The following KIF26B variants were observed in gnomAD, a reference collection of about 807,000 sequenced individuals.
KIF26B encodes the protein kinesin-like protein KIF26B.
KIF26B carries 63 observed loss-of-function variants against 151.2 expected under a neutral mutation model. The ratio of observed to expected loss-of-function variants is 0.42; its 90% confidence interval spans 0.34 to 0.51. The LOEUF is 0.51. KIF26B is among the 20% of genes least tolerant of loss of function. The pLI is 0.07. For synonymous variants in KIF26B, 1,357 were observed against 1,262.1 expected (o/e 1.08, Z -1.59); for missense variants, 2,813 against 2,913.6 (o/e 0.97, Z 0.79).
At chr1:245,561,877 A>G (rs900065140) in intron 5 of KIF26B, among the ~76,000 whole-genome samples, 8 of 152,106 alleles carry the variant, frequency 5.3e-5, no homozygotes, top group Non-Finnish European at 1.5e-5. Context: ...GATTCTCACT[A>G]CTGACGTAAA....
chr1:245,387,490 A>ATAAC (rs1478632860), intron 3 of KIF26B, among the ~76,000 whole-genome samples: 1 of 152,064 alleles, frequency 6.6e-6, no homozygotes, highest in African/African-American at 2.4e-5. Context: ...TTCCTCCTTT[A>ATAAC]TAACTATTCA....
In KIF26B at chr1:245,540,464, T is replaced by C. The variant is rs1572114149; in HGVS notation, c.1167-303T>C. 4.0e-5 allele frequency: 24 copies of C among 593,136 alleles called. No individual in the cohort carries two copies. The East Asian group carries it at 6.7e-4, about 17-fold the overall frequency. 36.7% of individuals were successfully genotyped at this position (593,136 alleles called of 1,614,324 possible). On this transcript the variant is annotated intron_variant, in intron 4 of 14. Transcript: ENST00000407071. This position sits in a 1 kb window ranked among gnomAD's most constrained non-coding sequence, Gnocchi z 4.6. ...TAATGGGTGCCCTTATCCCCAAAGA[T>C]GCCCAGCTTTGTTCCTGCTTAAGCT...
chr1:245,243,950 T>C, intron 2 of KIF26B, among the ~76,000 whole-genome samples: 1 of 152,190 alleles, frequency 6.6e-6, no homozygotes, highest in East Asian at 1.9e-4. Flanking sequence ...TTCCCTTTTT[T>C]GACTTTTGAG....
chr1:245,274,080 A>G (rs1242196678), intron 2 of KIF26B, among the ~76,000 whole-genome samples: 2 of 152,156 alleles, frequency 1.3e-5, no homozygotes, highest in African/African-American at 2.4e-5. Context: ...TTTTATAGTT[A>G]TATTAATCTG....
chr1:245,266,318 G>A (rs1670744019), intron 2 of KIF26B, among the ~76,000 whole-genome samples: 1 of 152,174 alleles, frequency 6.6e-6, no homozygotes. Context: ...ATATTGGTCA[G>A]TGGAAATTCT....
At position 245,267,581 on chromosome 1, in the gene KIF26B, G is replaced by GT. The variant is rs1383025737; in HGVS notation, c.466-99252dup. ...ATATGTGATAGCTCTGCTCAGCCAC[G>GT]TATTAAGCCACAAGCAGCCAAGAAC... On this transcript the variant is annotated intron_variant, in intron 2 of 14. Transcript: ENST00000407071. 2.0e-5 allele frequency among the ~76,000 whole-genome samples: 3 copies of GT among 148,178 alleles called. No individual in the cohort carries two copies. The Admixed American group carries it at 2.0e-4, about 10-fold the overall frequency.
chr1:245,233,903 T>C (rs912745974), intron 2 of KIF26B, among the ~76,000 whole-genome samples: 1 of 152,074 alleles, frequency 6.6e-6, no homozygotes, highest in African/African-American at 2.4e-5. Context: ...TGTTTCGGGC[T>C]GGGCGCGGTG....
intron 9 of KIF26B, among the ~76,000 whole-genome samples, chr1:245,613,820 A>G (rs1325179035): frequency 1.3e-5 from 2 of 152,186 alleles, no homozygotes; most frequent in Admixed American, 6.5e-5. Context: ...GGTTTATTGC[A>G]GTATAAGGTA....
In KIF26B at chr1:245,392,797, T is replaced by C. The variant is rs1326864526; in HGVS notation, c.999+25430T>C. 2.6e-5 allele frequency among the ~76,000 whole-genome samples: 4 copies of C among 152,206 alleles called. No homozygotes were observed. In the East Asian group the frequency reaches 7.7e-4, roughly 29 times the overall value. On this transcript the variant is annotated intron_variant, in intron 3 of 14. Coordinates refer to ENST00000407071, the MANE Select transcript of KIF26B (RefSeq NM_018012.4). ...TGTTCTATGAAATATTCTTTAATTA[T>C]TTTTTAACACTGTTTTTCCTTTCAT...
At chr1:245,569,314 T>C (rs2043041169) in intron 5 of KIF26B, among the ~76,000 whole-genome samples, 1 of 152,118 alleles carries the variant, frequency 6.6e-6, no homozygotes, top group Non-Finnish European at 1.5e-5. Flanking sequence ...CTAGGGGCTT[T>C]TTGATTAGTC....
Position 245,705,175 on chromosome 1 carries a change from C to T in KIF26B, c.*2569C>T, listed in dbSNP as rs1309166185. The T allele has an allele frequency of 6.6e-6, 1 of 152,200 alleles. No individual in the cohort carries two copies. 9.4% of individuals were successfully genotyped at this position (152,200 alleles called of 1,614,324 possible). A position where few individuals can be genotyped will look rare whatever the true frequency, so the allele number is the denominator to read the frequency against. ...AAGAGTTCTCTTAGCAAGTCAGACTCCTTCCCAAGATGGCAATCACAGAAC... is the reference window on the plus strand; with the variant it reads ...AAGAGTTCTCTTAGCAAGTCAGACTTCTTCCCAAGATGGCAATCACAGAAC... On this transcript the variant is annotated 3_prime_UTR_variant, in exon 15 of 15. Transcript: ENST00000407071.
intron 3 of KIF26B, among the ~76,000 whole-genome samples, chr1:245,378,154 C>T (rs1480878804): frequency 4.6e-5 from 7 of 152,090 alleles, no homozygotes; most frequent in Non-Finnish European, 1.0e-4. Context: ...CCTTCTCTAC[C>T]GATCAAGCTG....
intron 2 of KIF26B, among the ~76,000 whole-genome samples, chr1:245,223,591 AG>A (rs770475238): frequency 2.6e-4 from 40 of 152,266 alleles, no homozygotes; most frequent in Non-Finnish European, 4.4e-4. Context: ...TGGTTCTCAT[AG>A]TTTTGTGTGT....
chr1:245,593,387 G>A (rs1218829674), intron 5 of KIF26B, among the ~76,000 whole-genome samples: 15 of 151,584 alleles, frequency 9.9e-5, no homozygotes, highest in Non-Finnish European at 2.1e-4. Context: ...TATTCTCATT[G>A]TTCAACTCCC....
At chr1:245,438,729 G>A (rs768392984) in intron 4 of KIF26B, among the ~76,000 whole-genome samples, 5 of 152,190 alleles carry the variant, frequency 3.3e-5, no homozygotes, top group Non-Finnish European at 5.9e-5. Context: ...TCAAACGATT[G>A]CTACACGCAA....
chr1:245,310,200 T>C (rs1346429606), intron 2 of KIF26B, among the ~76,000 whole-genome samples: 2 of 150,306 alleles, frequency 1.3e-5, no homozygotes, highest in South Asian at 2.1e-4. Flanking sequence ...TCCTATTAGT[T>C]CTGTTTCTCC....
At chr1:245,316,817 A>G (rs1269730586) in intron 2 of KIF26B, among the ~76,000 whole-genome samples, 1 of 149,416 alleles carries the variant, frequency 6.7e-6, no homozygotes, top group African/African-American at 2.5e-5. Context: ...GGGGCTTTTG[A>G]CAAACCAGAA....
At chr1:245,235,053 C>T (rs746610056) in intron 2 of KIF26B, among the ~76,000 whole-genome samples, 5 of 152,166 alleles carry the variant, frequency 3.3e-5, no homozygotes, top group South Asian at 4.1e-4. Context: ...ACTGTCCCTT[C>T]GGCCTCCTCC....
chr1:245,297,875 T>TTTTGTTTGTTTG lies in KIF26B; in HGVS notation c.466-68943_466-68932dup, dbSNP rs61370908. Among the ~76,000 whole-genome samples the TTTTGTTTGTTTG allele has an allele frequency of 1.1e-3, 162 of 149,962 alleles. 1 individual carries two copies. Among genetic ancestry groups the TTTTGTTTGTTTG allele is most frequent in the African/African-American group, 4.0e-3 (161 of 40,670 alleles). ...AGACTGATGCCTGATGGGCATCAGT[T>TTTTGTTTGTTTG]TTTGTTTGTTTGTTTGTTTGTTTGT... is the stretch of plus-strand genomic sequence containing the variant. On this transcript the variant is annotated intron_variant, in intron 2 of 14. Transcript: ENST00000407071.
Sources: allele counts gnomAD v4.1 joint callset (sites outside exome capture counted in the v4.1 genomes callset), GRCh38; gene constraint gnomAD v4.1.1; non-coding constraint Gnocchi (gnomAD v3.1); transcripts MANE v1.5; gene names NCBI Gene and HGNC (gene_info 2026-07-23, HGNC 2026-07-21).